The following COL23A1 variants were observed in gnomAD, a reference collection of about 807,000 sequenced individuals.
COL23A1 encodes collagen alpha-1(XXIII) chain.
COL23A1 carries 97 observed loss-of-function variants against 99.3 expected under a neutral mutation model. That is an observed-to-expected ratio of 0.98 (90% CI 0.83 to 1.16). The LOEUF is 1.16. Ranked by LOEUF, COL23A1 falls within the 50% of genes most tolerant of loss-of-function variation. COL23A1 has a pLI of 0.00. For synonymous variants in COL23A1, 320 were observed against 308.2 expected, an observed-to-expected ratio of 1.04 and a Z score of -0.40; for missense variants, 762 against 757.4, an observed-to-expected ratio of 1.01 and a Z score of -0.07.
intron 2 of COL23A1, among the ~76,000 whole-genome samples, chr5:178,362,708 CCTGCAG>C (rs1383064107): frequency 1.3e-5 from 2 of 152,160 alleles, no homozygotes; most frequent in Non-Finnish European, 2.9e-5. Context: ...AGGCTTTCTT[CCTGCAG>C]CTGCAAGAAA....
chr5:178,291,527 G>T (rs780138898), intron 3 of COL23A1, among the ~76,000 whole-genome samples: 1 of 152,186 alleles, frequency 6.6e-6, no homozygotes, highest in Non-Finnish European at 1.5e-5. Context: ...GGGCTTTTGA[G>T]GATCCAGGAG....
intron 2 of COL23A1, chr5:178,345,366 G>C (rs546211649): frequency 2.1e-6 from 1 of 470,836 alleles, no homozygotes; most frequent in African/African-American, 2.0e-5. Flanking sequence ...CAAGGGGCCT[G>C]CTTATTAGAC....
chr5:178,585,449 C>A (rs1365510198), intron 1 of COL23A1, among the ~76,000 whole-genome samples: 2 of 151,226 alleles, frequency 1.3e-5, no homozygotes, highest in African/African-American at 2.4e-5. Context: ...GGGTAACACT[C>A]CACGTCCCTG....
chr5:178,407,992 A>C (rs1764852284), intron 2 of COL23A1, among the ~76,000 whole-genome samples: 1 of 152,204 alleles, frequency 6.6e-6, no homozygotes, highest in African/African-American at 2.4e-5. Context: ...GATGCTGAGC[A>C]AACATCCAAC....
At chr5:178,573,082 G>A (rs1763185365) in intron 1 of COL23A1, among the ~76,000 whole-genome samples, 1 of 152,232 alleles carries the variant, frequency 6.6e-6, no homozygotes, top group South Asian at 2.1e-4. Flanking sequence ...CGAGGCAGGA[G>A]GAAACTCTGG....
chr5:178,389,114 T>A (rs555284000), intron 2 of COL23A1, among the ~76,000 whole-genome samples: 1 of 152,140 alleles, frequency 6.6e-6, no homozygotes, highest in East Asian at 1.9e-4. Context: ...CACGCTCCCG[T>A]TGCCTCAGTG....
At chr5:178,301,415 C>A (rs1389471602) in intron 3 of COL23A1, among the ~76,000 whole-genome samples, 1 of 152,212 alleles carries the variant, frequency 6.6e-6, no homozygotes, top group Non-Finnish European at 1.5e-5. Flanking sequence ...ACATCTCTAG[C>A]AAGTACATCT....
intron 1 of COL23A1, among the ~76,000 whole-genome samples, chr5:178,575,197 A>T (rs77925429): frequency 0.018 from 2,749 of 152,310 alleles, 77 homozygotes; most frequent in African/African-American, 0.061. Flanking sequence ...AGGAAACAGG[A>T]ACCTCCAGGT....
chr5:178,351,401 C>T (rs1159602242), intron 2 of COL23A1, among the ~76,000 whole-genome samples: 1 of 152,206 alleles, frequency 6.6e-6, no homozygotes, highest in East Asian at 1.9e-4. Flanking sequence ...GTGACTGGTG[C>T]CTTGGCGAGC....
At chr5:178,500,763 TGAGA>T (rs1156841128) in intron 2 of COL23A1, among the ~76,000 whole-genome samples, 1 of 152,074 alleles carries the variant, frequency 6.6e-6, no homozygotes, top group Non-Finnish European at 1.5e-5. Context: ...GAAGAAATTA[TGAGA>T]GATTCTCTCT....
intron 2 of COL23A1, among the ~76,000 whole-genome samples, chr5:178,509,114 T>G (rs1410406126): frequency 6.6e-6 from 1 of 152,148 alleles, no homozygotes; most frequent in African/African-American, 2.4e-5. Flanking sequence ...TCTCCATGAT[T>G]GGTTTACAGT....
rs1764432932 is a variant in COL23A1 at position 178,242,082 on chromosome 5, C to G, written c.1541G>C (p.Gly514Ala). 6.4e-7 allele frequency: 1 copy of G among 1,553,538 alleles called. No individual in the cohort carries two copies. Among genetic ancestry groups the G allele is most frequent in the Non-Finnish European group, 8.7e-7 (1 of 1,148,256 alleles). ...PGRKGVKGQK[G>A]EPGPPGLDQP... ...GTCCAGGCCTGGTGGTCCCGGCTCG[C>G]CCTTCTGGCCCTTCACTCCTTTCCG... is the stretch of plus-strand genomic sequence containing the variant. The change falls in exon 27 of 29, where the codon GGC becomes GCC. Residue 514 changes from glycine (G) to alanine (A), a missense_variant. By Grantham distance (60) the Gly-to-Ala change is moderately conservative (BLOSUM62 0). Transcript: ENST00000390654.
rs935328568 is a variant in COL23A1, at chr5:178,415,642, C to T, written c.362-108723G>A. On this transcript the variant is annotated intron_variant, in intron 2 of 28. Transcript: ENST00000390654. This position sits in a 1 kb window ranked among gnomAD's most constrained non-coding sequence, Gnocchi z 4.6. ...CCATCCCGCCCTGGCTCCATGAGGGCAAGGGGACTGTGCGGGCGGCGGTGA... is the reference window on the plus strand; with the variant it reads ...CCATCCCGCCCTGGCTCCATGAGGGTAAGGGGACTGTGCGGGCGGCGGTGA... 3.3e-5 allele frequency among the ~76,000 whole-genome samples: 5 copies of T among 152,202 alleles called. No individual in the cohort carries two copies. The highest frequency in any genetic ancestry group is 1.2e-4 in the African/African-American group (5 of 41,458).
chr5:178,353,366 T>C (rs975622368), intron 2 of COL23A1, among the ~76,000 whole-genome samples: 5 of 152,084 alleles, frequency 3.3e-5, no homozygotes, highest in African/African-American at 1.2e-4. Flanking sequence ...ATATTGAAAA[T>C]TTTTTTCATG....
At chr5:178,502,186 C>T (rs1289525947) in intron 2 of COL23A1, among the ~76,000 whole-genome samples, 1 of 152,208 alleles carries the variant, frequency 6.6e-6, no homozygotes, top group Admixed American at 6.5e-5. Flanking sequence ...GGCTGGAGTG[C>T]AGTGGCGTGA....
intron 25 of COL23A1, among the ~76,000 whole-genome samples, chr5:178,242,843 C>T (rs937455692): frequency 6.6e-6 from 1 of 152,186 alleles, no homozygotes; most frequent in Non-Finnish European, 1.5e-5. Context: ...TCCACCCAAC[C>T]AAGGTGGCTT....
intron 2 of COL23A1, among the ~76,000 whole-genome samples, chr5:178,394,632 A>G (rs1764131024): frequency 1.3e-5 from 2 of 152,306 alleles, no homozygotes; most frequent in South Asian, 4.1e-4. Flanking sequence ...TTTGGCTGCA[A>G]GTTCAGCCTC....
intron 3 of COL23A1, among the ~76,000 whole-genome samples, chr5:178,301,424 C>G (rs1250793574): frequency 6.6e-6 from 1 of 152,204 alleles, no homozygotes; most frequent in Non-Finnish European, 1.5e-5. Flanking sequence ...GCAAGTACAT[C>G]TGGGTTTCCT....
chr5:178,356,846 G>A (rs990600335), intron 2 of COL23A1, among the ~76,000 whole-genome samples: 1 of 151,898 alleles, frequency 6.6e-6, no homozygotes, highest in Non-Finnish European at 1.5e-5. Context: ...CAGGAACCCT[G>A]GTGCTGGTCC....
Sources: allele counts gnomAD v4.1 joint callset (sites outside exome capture counted in the v4.1 genomes callset), GRCh38; gene constraint gnomAD v4.1.1; non-coding constraint Gnocchi (gnomAD v3.1); transcripts MANE v1.5; gene names NCBI Gene and HGNC (gene_info 2026-07-23, HGNC 2026-07-21).